Variants in TDP1 observed in about 807,000 individuals in gnomAD.
TDP1 encodes the protein tyr-DNA phosphodiesterase 1.
Under a neutral mutation model 81.5 loss-of-function variants are expected in TDP1, and 64 were observed. That is an observed-to-expected ratio of 0.79 (90% CI 0.64 to 0.97). TDP1 has a LOEUF of 0.97. Ranked by LOEUF, TDP1 falls within the 50% of genes least tolerant of loss-of-function variation. The pLI, the probability that TDP1 is intolerant of heterozygous loss-of-function variation, is 0.00. For synonymous variants in TDP1, 256 were observed against 264.3 expected, an observed-to-expected ratio of 0.97 and a Z score of 0.30; for missense variants, 723 against 743.8, an observed-to-expected ratio of 0.97 and a Z score of 0.33.
At chr14:90,010,840 C>T (rs1884616058) in intron 14 of TDP1, among the ~76,000 whole-genome samples, 1 of 152,162 alleles carries the variant, frequency 6.6e-6, no homozygotes, top group African/African-American at 2.4e-5. Flanking sequence ...CTAATGGGCA[C>T]TGCATATCAA....
intron 14 of TDP1, among the ~76,000 whole-genome samples, chr14:90,001,136 A>G (rs1897156624): frequency 1.3e-5 from 2 of 152,204 alleles, no homozygotes; most frequent in Admixed American, 1.3e-4. Flanking sequence ...CTTCCTGATC[A>G]TTTGGACTTT....
intron 7 of TDP1, among the ~76,000 whole-genome samples, chr14:89,977,629 T>C (rs1161514700): frequency 6.6e-6 from 1 of 152,232 alleles, no homozygotes; most frequent in African/African-American, 2.4e-5. Context: ...ATTAAATACT[T>C]CTTATGTTCT....
intron 14 of TDP1, among the ~76,000 whole-genome samples, chr14:90,017,968 A>G (rs1189481209): frequency 6.6e-6 from 1 of 152,216 alleles, no homozygotes; most frequent in Non-Finnish European, 1.5e-5. Context: ...AAAGCTTGTA[A>G]ATAATGCTCT....
intron 15 of TDP1, among the ~76,000 whole-genome samples, chr14:90,029,191 A>ATTT (rs1886978016): frequency 5.2e-5 from 7 of 134,482 alleles, no homozygotes; most frequent in African/African-American, 2.3e-4. Flanking sequence ...CAGCCCTGCC[A>ATTT]TTATTTTTTT....
At chr14:90,036,622 C>T (rs1434876942) in intron 16 of TDP1, among the ~76,000 whole-genome samples, 1 of 152,108 alleles carries the variant, frequency 6.6e-6, no homozygotes, top group Non-Finnish European at 1.5e-5. Context: ...ACTGTTTATT[C>T]ATTCTCTCCA....
intron 2 of TDP1, among the ~76,000 whole-genome samples, chr14:89,958,635 T>C (rs996306859): frequency 2.6e-5 from 4 of 152,148 alleles, no homozygotes; most frequent in African/African-American, 4.8e-5. Flanking sequence ...AGGGTAGATA[T>C]ATGTAAAGTA....
chr14:90,017,957 G>A (rs1885509385), intron 14 of TDP1, among the ~76,000 whole-genome samples: 1 of 152,194 alleles, frequency 6.6e-6, no homozygotes, highest in African/African-American at 2.4e-5. Flanking sequence ...AGGAAGCCAG[G>A]AAAGCTTGTA....
intron 8 of TDP1, chr14:89,981,325 G>C (rs1894950104): frequency 5.6e-6 from 2 of 354,390 alleles, no homozygotes; most frequent in Admixed American, 3.7e-5. Flanking sequence ...CTCTGTACTT[G>C]GTGCACATAT....
intron 14 of TDP1, among the ~76,000 whole-genome samples, chr14:90,015,140 A>G (rs1007581967): frequency 6.6e-6 from 1 of 152,122 alleles, no homozygotes; most frequent in Non-Finnish European, 1.5e-5. Context: ...GGATATAGGA[A>G]CCTAAAGCCC....
intron 14 of TDP1, among the ~76,000 whole-genome samples, chr14:89,995,629 A>AT (rs2140146057): frequency 6.6e-6 from 1 of 152,318 alleles, no homozygotes; most frequent in South Asian, 2.1e-4. Flanking sequence ...CCAAATATAA[A>AT]TGGCATCTAC....
chr14:90,031,166 G>C (rs551641560), intron 15 of TDP1, among the ~76,000 whole-genome samples: 8 of 151,480 alleles, frequency 5.3e-5, no homozygotes, highest in Non-Finnish European at 1.2e-4. Context: ...GTGCAGGTTA[G>C]TTACATATGT....
chr14:90,018,658 TC>T (rs948826810), intron 14 of TDP1, among the ~76,000 whole-genome samples: 91 of 152,082 alleles, frequency 6.0e-4, no homozygotes, highest in South Asian at 8.3e-4. Flanking sequence ...TTGCCATCTT[TC>T]CCAGGCTGGT....
intron 14 of TDP1, among the ~76,000 whole-genome samples, chr14:90,018,580 C>A (rs1596656524): frequency 6.6e-6 from 1 of 152,288 alleles, no homozygotes; most frequent in Admixed American, 6.5e-5. Flanking sequence ...CCCACCGCAG[C>A]CTTCCAAGTA....
intron 14 of TDP1, among the ~76,000 whole-genome samples, chr14:90,007,977 T>A (rs1198809934): frequency 1.3e-5 from 2 of 152,216 alleles, no homozygotes; most frequent in African/African-American, 4.8e-5. Context: ...ATCTAATTGT[T>A]GCTCCTTGTG....
chr14:89,984,969 T>A, intron 9 of TDP1, 163 bp from the exon 10 acceptor site: 1 of 932,182 alleles, frequency 1.1e-6, no homozygotes, highest in Non-Finnish European at 1.3e-6. Context: ...ATTCCATCAT[T>A]AGTTGATTTG....
chr14:90,009,886 G>A (rs1223840279), intron 14 of TDP1, among the ~76,000 whole-genome samples: 1 of 152,170 alleles, frequency 6.6e-6, no homozygotes, highest in Non-Finnish European at 1.5e-5. Context: ...TAATTCAGTG[G>A]ATGAAGGATG....
chr14:89,980,682 CA>C, intron 8 of TDP1, 50 bp downstream of exon 8: 1 of 1,404,134 alleles, frequency 7.1e-7, no homozygotes, highest in Non-Finnish European at 1.0e-6. Context: ...TGATAAAGGT[CA>C]AAAGCCAGAA....
intron 16 of TDP1, among the ~76,000 whole-genome samples, chr14:90,035,042 C>T (rs1887685000): frequency 6.6e-6 from 1 of 152,148 alleles, no homozygotes; most frequent in African/African-American, 2.4e-5. Flanking sequence ...CGCTAACCTT[C>T]TCAGCTTTCA....
chr14:90,031,021 C>T (rs1887218540), intron 15 of TDP1, among the ~76,000 whole-genome samples: 1 of 152,046 alleles, frequency 6.6e-6, no homozygotes. Flanking sequence ...GATCTGCCTG[C>T]CTCGGCCTCC....
Sources: allele counts gnomAD v4.1 joint callset (sites outside exome capture counted in the v4.1 genomes callset), GRCh38; gene constraint gnomAD v4.1.1; transcripts MANE v1.5; gene names NCBI Gene and HGNC (gene_info 2026-07-23, HGNC 2026-07-21).